ECT2: variants seen among roughly 807,000 people sequenced by gnomAD.
The protein encoded by ECT2 is protein ECT2.
In ECT2, 61 loss-of-function variants were observed where a neutral mutation model predicts 116.9. The ratio of observed to expected loss-of-function variants is 0.52; its 90% CI spans 0.42 to 0.65. ECT2 has a LOEUF of 0.65. Ranked by LOEUF, ECT2 falls within the 30% of genes least tolerant of loss-of-function variation. The pLI, the probability that ECT2 is intolerant of heterozygous loss-of-function variation, is 0.00. For synonymous variants in ECT2, 358 were observed against 346.4 expected (o/e 1.03, Z -0.37); for missense variants, 937 against 1,078.7 (o/e 0.87, Z 1.84).
intron 2 of ECT2, 72 bp downstream of exon 2, chr3:172,754,732 A>G (rs1405709817): frequency 8.2e-7 from 1 of 1,222,964 alleles, no homozygotes; most frequent in Non-Finnish European, 1.1e-6. Flanking sequence ...CTTTCTTAAG[A>G]TTTAATTTTA....
chr3:172,771,050 T>C (rs1241205698), intron 13 of ECT2, among the ~76,000 whole-genome samples: 1 of 152,186 alleles, frequency 6.6e-6, no homozygotes, highest in Non-Finnish European at 1.5e-5. Context: ...AACTTTTTTT[T>C]CTAGAAAAAT....
At chr3:172,826,468 G>C (rs1730849884), downstream of ECT2, among the ~76,000 whole-genome samples, 1 of 152,154 alleles carries the variant, frequency 6.6e-6, no homozygotes, top group African/African-American at 2.4e-5. Flanking sequence ...TTCTTGAGAT[G>C]GAATCTATTC....
At chr3:172,799,130 T>C (rs1726259015) in intron 18 of ECT2, among the ~76,000 whole-genome samples, 1 of 152,226 alleles carries the variant, frequency 6.6e-6, no homozygotes, top group Admixed American at 6.5e-5. Flanking sequence ...TTGGTTGTTT[T>C]TGAGTTCTTG....
chr3:172,789,460 A>C (rs1559987980), intron 18 of ECT2, among the ~76,000 whole-genome samples: 1 of 152,032 alleles, frequency 6.6e-6, no homozygotes, highest in Non-Finnish European at 1.5e-5. Context: ...CACCTCGGCT[A>C]CCCAAAGTAT....
chr3:172,784,864 AAAG>A, intron 17 of ECT2, 61 bp downstream of exon 17: 1 of 1,049,458 alleles, frequency 9.5e-7, no homozygotes. Flanking sequence ...TTTTTCCAAA[AAAG>A]ATGAATTTCT....
chr3:172,778,475 G>C (rs377352039), intron 14 of ECT2, among the ~76,000 whole-genome samples: 3 of 151,916 alleles, frequency 2.0e-5, no homozygotes, highest in South Asian at 4.2e-4. Flanking sequence ...TGGAATCTGA[G>C]TCAGACAATA....
At chr3:172,751,282 G>C (rs1353828658) in intron 1 of ECT2, among the ~76,000 whole-genome samples, 1 of 152,104 alleles carries the variant, frequency 6.6e-6, no homozygotes, top group Non-Finnish European at 1.5e-5. Flanking sequence ...TTTCGTTTTT[G>C]CAAGATAAAT....
At chr3:172,787,056 G>C (rs1723727128) in intron 18 of ECT2, among the ~76,000 whole-genome samples, 1 of 152,148 alleles carries the variant, frequency 6.6e-6, no homozygotes, top group Non-Finnish European at 1.5e-5. Flanking sequence ...CAATGAAATT[G>C]ATCTGGGGAG....
At position 172,765,101 on chromosome 3, in the gene ECT2, T is replaced by G. The variant is rs1401091096; in HGVS notation, c.1291+601T>G. Among the ~76,000 whole-genome samples, 6 of 152,354 alleles carry G rather than the reference T, an allele frequency of 3.9e-5. No homozygotes were observed. The East Asian group carries it at 1.2e-3, about 29-fold the overall frequency. The stretch of plus-strand genomic sequence containing the variant: ...TCTGTTTGCTTTCACATCAGCATAC[T>G]TAAAAGAATTACTTTGATCTATTGT... On this transcript the variant is annotated intron_variant, in intron 12 of 24. Transcript: ENST00000392692.
chr3:172,826,817 G>C, the ECT2 span, among the ~76,000 whole-genome samples: 14 of 152,212 alleles, frequency 9.2e-5, no homozygotes, highest in South Asian at 2.1e-3. Context: ...AAGCTAAAAG[G>C]CATCTTTACA....
intron 23 of ECT2, among the ~76,000 whole-genome samples, chr3:172,816,395 AT>A (rs1162627251): frequency 1.3e-5 from 2 of 152,022 alleles, no homozygotes; most frequent in Non-Finnish European, 2.9e-5. Context: ...GGTTGAGGGG[AT>A]TTTTGGATTA....
At position 172,802,920 on chromosome 3, in the gene ECT2, T is replaced by TGAGC. The variant is rs1243748791; in HGVS notation, c.2047_2050dup (p.His684ArgfsTer5). ...AGCGGGTTGAAACAATTTCTCTAGG[T>TGAGC]GAGCACCCCTGTGACAGAGGAGAAC... On this transcript the variant is annotated frameshift_variant, in exon 20 of 25. Transcript: ENST00000392692. LOFTEE classifies it high-confidence loss of function. The TGAGC allele has an allele frequency of 6.2e-7, 1 of 1,613,256 alleles. No individual in the cohort carries two copies. Among genetic ancestry groups the TGAGC allele is most frequent in the South Asian group, 1.1e-5 (1 of 91,046 alleles).
chr3:172,760,582 G>A (rs1181095666), intron 7 of ECT2, among the ~76,000 whole-genome samples: 4 of 151,914 alleles, frequency 2.6e-5, no homozygotes, highest in South Asian at 2.1e-4. Context: ...AGGCCTGGCC[G>A]AGTGGTTAAG....
At chr3:172,786,943 A>G (rs1490951618) in intron 18 of ECT2, among the ~76,000 whole-genome samples, 1 of 152,236 alleles carries the variant, frequency 6.6e-6, no homozygotes, top group Non-Finnish European at 1.5e-5. Flanking sequence ...GAAAAGGTTT[A>G]TAATACTTTT....
At chr3:172,816,865 A>T in intron 24 of ECT2, 28 bp downstream of exon 24, 1 of 1,497,578 alleles carries the variant, frequency 6.7e-7, no homozygotes, top group Non-Finnish European at 9.0e-7. Flanking sequence ...AATGGGGTAA[A>T]TGACTTATTT....
chr3:172,816,893 TTTG>T (rs1729818988), intron 24 of ECT2, 56 bp downstream of exon 24: 9 of 1,341,084 alleles, frequency 6.7e-6, no homozygotes, highest in South Asian at 1.9e-5. Context: ...TGTTATGGAA[TTTG>T]TTAACTTCTA....
chr3:172,815,765 A>G, intron 23 of ECT2, 54 bp downstream of exon 23: 1 of 1,127,672 alleles, frequency 8.9e-7, no homozygotes. Context: ...TTTCCAGACT[A>G]TATTCAAATA....
intron 5 of ECT2, among the ~76,000 whole-genome samples, chr3:172,757,853 A>G (rs992491618): frequency 3.9e-5 from 6 of 152,176 alleles, no homozygotes; most frequent in African/African-American, 1.2e-4. Context: ...CAGTTACTGT[A>G]TAACTTAAAA....
At chr3:172,799,056 G>A (rs974072810) in intron 18 of ECT2, among the ~76,000 whole-genome samples, 8 of 152,126 alleles carry the variant, frequency 5.3e-5, no homozygotes, top group East Asian at 1.9e-4. Flanking sequence ...TGTGATCAGT[G>A]TAGAAAAAAA....
Sources: allele counts gnomAD v4.1 joint callset (sites outside exome capture counted in the v4.1 genomes callset), GRCh38; gene constraint gnomAD v4.1.1; transcripts MANE v1.5; gene names NCBI Gene and HGNC (gene_info 2026-07-23, HGNC 2026-07-21).